PTPRD: variants seen among roughly 807,000 people sequenced by gnomAD.
PTPRD encodes protein tyrosine phosphatase receptor type D.
A neutral mutation model predicts 214.5 loss-of-function variants in PTPRD; 34 were observed. That is an observed-to-expected ratio of 0.16 (90% CI 0.12 to 0.21). PTPRD has a LOEUF of 0.21. Among genes scored for constraint, PTPRD ranks in the 10% least tolerant of loss-of-function variants. PTPRD has a pLI of 1.00. For synonymous variants in PTPRD, 1,128 were observed against 845.7 expected (o/e 1.33, Z -5.79); for missense variants, 2,545 against 2,398.7 (o/e 1.06, Z -1.27).
chr9:10,238,331 C>T (rs1221160879), intron 3 of PTPRD, among the ~76,000 whole-genome samples: 8 of 151,796 alleles, frequency 5.3e-5, no homozygotes, highest in Admixed American at 2.0e-4. Flanking sequence ...ACTAGTTTCC[C>T]CCACCACCAT....
chr9:8,851,163 A>G (rs957544727), intron 11 of PTPRD, among the ~76,000 whole-genome samples: 1 of 151,928 alleles, frequency 6.6e-6, no homozygotes, highest in African/African-American at 2.4e-5. Context: ...GCACTGGGCA[A>G]AAGTCTAAGC....
At chr9:9,711,014 G>A (rs1406277603) in intron 7 of PTPRD, among the ~76,000 whole-genome samples, 1 of 152,096 alleles carries the variant, frequency 6.6e-6, no homozygotes, top group Non-Finnish European at 1.5e-5. Flanking sequence ...GACAACGTGT[G>A]AATGTGCCCT....
chr9:10,485,320 G>A (rs1275214991), intron 2 of PTPRD, among the ~76,000 whole-genome samples: 1 of 151,904 alleles, frequency 6.6e-6, no homozygotes, highest in African/African-American at 2.4e-5. Context: ...TATTAACTTT[G>A]CCCATCACAG....
chr9:8,498,416 C>G (rs991565861), intron 25 of PTPRD, among the ~76,000 whole-genome samples: 2 of 152,066 alleles, frequency 1.3e-5, no homozygotes, highest in Non-Finnish European at 2.9e-5. Flanking sequence ...GCTGGGACCA[C>G]ACAGGCGTGT....
intron 10 of PTPRD, among the ~76,000 whole-genome samples, chr9:9,157,294 A>G (rs191699581): frequency 2.6e-4 from 40 of 152,244 alleles, no homozygotes; most frequent in Admixed American, 8.5e-4. Context: ...GCAGAGATAA[A>G]TGAAACAGAG....
chr9:8,437,548 T>C (rs2095403603), intron 34 of PTPRD, among the ~76,000 whole-genome samples: 1 of 152,172 alleles, frequency 6.6e-6, no homozygotes, highest in African/African-American at 2.4e-5. Flanking sequence ...ATGTTTCCAC[T>C]AGTAGCAGAT....
chr9:9,521,871 G>A (rs1253826765), intron 8 of PTPRD, among the ~76,000 whole-genome samples: 2 of 152,068 alleles, frequency 1.3e-5, no homozygotes, highest in African/African-American at 4.8e-5. Flanking sequence ...AAAATGGTCT[G>A]TTCTGGCCAG....
chr9:9,818,322 A>T (rs2049451244), intron 5 of PTPRD, among the ~76,000 whole-genome samples: 1 of 152,110 alleles, frequency 6.6e-6, no homozygotes, highest in African/African-American at 2.4e-5. Context: ...AAGCCTGGTG[A>T]GGGAGGTAAG....
rs1487710703 is a variant in PTPRD, at chr9:10,414,550, A to T, written c.-599-73533T>A. Among the ~76,000 whole-genome samples, 8 of 151,962 alleles carry T rather than the reference A, an allele frequency of 5.3e-5. No homozygotes were observed. In the East Asian group the frequency reaches 1.6e-3, roughly 30 times the overall value. ...CGTGGCAATTCCTCCAAGAGCTAAAAACAGAACTGTGATTTGACTCAGCAA... is the reference window on the plus strand; with the variant it reads ...CGTGGCAATTCCTCCAAGAGCTAAATACAGAACTGTGATTTGACTCAGCAA... On this transcript the variant is annotated intron_variant, in intron 2 of 45. Coordinates refer to ENST00000381196, the MANE Select transcript of PTPRD (RefSeq NM_002839.4).
intron 14 of PTPRD, among the ~76,000 whole-genome samples, chr9:8,557,431 AATAC>A (rs1216119782): frequency 9.8e-5 from 11 of 111,750 alleles, no homozygotes; most frequent in Admixed American, 8.1e-4. Context: ...TTCATTTGTA[AATAC>A]ATATATATAT....
chr9:10,174,549 A>T (rs371726266), intron 3 of PTPRD, among the ~76,000 whole-genome samples: 29 of 152,278 alleles, frequency 1.9e-4, no homozygotes, highest in African/African-American at 5.5e-4. Context: ...TAGCAACACC[A>T]AATGTACTAT....
intron 9 of PTPRD, among the ~76,000 whole-genome samples, chr9:9,218,469 C>A (rs1387544873): frequency 6.6e-6 from 1 of 152,048 alleles, no homozygotes; most frequent in Non-Finnish European, 1.5e-5. Context: ...CTCATTCTGA[C>A]AAGAAAAATA....
chr9:8,760,684 T>C (rs1402646931), intron 11 of PTPRD, among the ~76,000 whole-genome samples: 1 of 152,026 alleles, frequency 6.6e-6, no homozygotes, highest in Non-Finnish European at 1.5e-5. Context: ...CTAGCAGAGC[T>C]ATCACTTTGA....
At chr9:10,244,975 T>A (rs2091841329) in intron 3 of PTPRD, among the ~76,000 whole-genome samples, 1 of 152,178 alleles carries the variant, frequency 6.6e-6, no homozygotes, top group African/African-American at 2.4e-5. Flanking sequence ...TTTTCCCATT[T>A]CTTAATCATT....
At chr9:9,841,804 G>A (rs1257409346) in intron 5 of PTPRD, among the ~76,000 whole-genome samples, 1 of 151,918 alleles carries the variant, frequency 6.6e-6, no homozygotes, top group Non-Finnish European at 1.5e-5. Flanking sequence ...CATGCCATAA[G>A]GACATTCATG....
intron 3 of PTPRD, among the ~76,000 whole-genome samples, chr9:10,315,923 T>A (rs955231994): frequency 1.6e-4 from 24 of 151,930 alleles, no homozygotes; most frequent in Admixed American, 6.6e-5. Context: ...AATTTCATAA[T>A]GATTTTCTCT....
intron 5 of PTPRD, chr9:9,800,615 C>G (rs1161393944): frequency 6.6e-6 from 1 of 152,040 alleles, no homozygotes; most frequent in Non-Finnish European, 1.5e-5. Flanking sequence ...GTCTATAGAC[C>G]ATGAGGTCTT....
At chr9:8,839,420 G>T (rs1449867504) in intron 11 of PTPRD, among the ~76,000 whole-genome samples, 1 of 152,118 alleles carries the variant, frequency 6.6e-6, no homozygotes, top group Non-Finnish European at 1.5e-5. Flanking sequence ...CTGCCTCCAG[G>T]TTCAAGCAAT....
intron 11 of PTPRD, among the ~76,000 whole-genome samples, chr9:8,814,170 T>G (rs2096873642): frequency 6.6e-6 from 1 of 152,188 alleles, no homozygotes; most frequent in South Asian, 2.1e-4. Flanking sequence ...TATTTTTTTT[T>G]TAAGCCTAGG....
Sources: gnomAD v4.1 joint callset for allele counts (sites outside exome capture counted in the v4.1 genomes callset) on GRCh38, gnomAD v4.1.1 for gene constraint, MANE v1.5 for transcripts, NCBI Gene and HGNC (gene_info 2026-07-23, HGNC 2026-07-21) for gene names.